The following NTM variants were observed in gnomAD, a reference collection of about 807,000 sequenced individuals.
The protein encoded by NTM is neurotrimin.
NTM carries 13 observed loss-of-function variants against 42.1 expected under a neutral mutation model. The observed-to-expected ratio is 0.31, with a 90% CI of 0.20 to 0.49. The LOEUF is 0.49. NTM is among the 20% of genes least tolerant of loss of function. NTM has a pLI of 0.99. For synonymous variants in NTM, 187 were observed against 179.2 expected, an observed-to-expected ratio of 1.04 and a Z score of -0.35; for missense variants, 373 against 452.8, an observed-to-expected ratio of 0.82 and a Z score of 1.60.
chr11:132,106,837 G>A (rs1044238755), intron 2 of NTM, among the ~76,000 whole-genome samples: 3 of 152,130 alleles, frequency 2.0e-5, no homozygotes, highest in African/African-American at 7.2e-5. Flanking sequence ...AAGCCCAGAG[G>A]TGTACTGCCA....
intron 1 of NTM, among the ~76,000 whole-genome samples, chr11:131,766,583 C>A (rs1355531882): frequency 6.6e-6 from 1 of 150,884 alleles, no homozygotes; most frequent in African/African-American, 2.4e-5. Context: ...AGGCCCCCCC[C>A]TTCTGCTGAG....
chr11:131,410,645 A>T (rs1203311474), intron 1 of NTM, among the ~76,000 whole-genome samples: 1 of 149,638 alleles, frequency 6.7e-6, no homozygotes, highest in African/African-American at 2.5e-5. Flanking sequence ...TTTTGTAATT[A>T]TGTCGCCTTA....
intron 1 of NTM, among the ~76,000 whole-genome samples, chr11:131,554,486 A>G (rs1374881263): frequency 3.3e-5 from 5 of 152,002 alleles, no homozygotes; most frequent in Non-Finnish European, 5.9e-5. Flanking sequence ...ATTGCTGCAA[A>G]TAATCTTTCT....
At chr11:131,839,405 T>C (rs1289125813) in intron 1 of NTM, among the ~76,000 whole-genome samples, 3 of 152,116 alleles carry the variant, frequency 2.0e-5, no homozygotes, top group African/African-American at 7.2e-5. Context: ...AGAGCAAATA[T>C]GTGAAGGAGA....
chr11:132,100,938 T>G (rs549696648), intron 2 of NTM, among the ~76,000 whole-genome samples: 7 of 152,348 alleles, frequency 4.6e-5, no homozygotes, highest in South Asian at 2.1e-4. Context: ...TATCAAAGCA[T>G]TTGCAGTTCA....
At chr11:131,910,736 C>A in intron 1 of NTM, 1 of 692,380 alleles carries the variant, frequency 1.4e-6, no homozygotes. Context: ...CTTGGGGCCG[C>A]CGCGGTCCGC....
intron 1 of NTM, among the ~76,000 whole-genome samples, chr11:131,430,666 C>A (rs189103589): frequency 1.9e-3 from 295 of 152,354 alleles, no homozygotes; most frequent in Admixed American, 4.2e-3. Context: ...TTCAGTGGCA[C>A]TCCATGCTTC....
At chr11:132,279,599 T>A (rs1445758746) in intron 4 of NTM, among the ~76,000 whole-genome samples, 3 of 152,220 alleles carry the variant, frequency 2.0e-5, no homozygotes, top group African/African-American at 7.2e-5. Context: ...CCTCTGATTT[T>A]TTGCACAGGC....
In NTM at chr11:132,043,125, A is replaced by G. The variant is rs1242810908; in HGVS notation, c.168-103157A>G. On this transcript the variant is annotated intron_variant, in intron 2 of 8. Transcript: ENST00000683400. ...ATCCTATTCCATCATTCTAATGGCCAAGGGATGGGTAGAAGACATTGCTTT... is the reference window on the plus strand; with the variant it reads ...ATCCTATTCCATCATTCTAATGGCCGAGGGATGGGTAGAAGACATTGCTTT... 2.0e-5 allele frequency among the ~76,000 whole-genome samples: 3 copies of G among 152,184 alleles called. No homozygotes were observed. The East Asian group carries it at 5.8e-4, about 29-fold the overall frequency.
chr11:131,831,944 T>C (rs1034147377), intron 1 of NTM, among the ~76,000 whole-genome samples: 2 of 147,680 alleles, frequency 1.4e-5, no homozygotes, highest in African/African-American at 4.9e-5. Flanking sequence ...TAATTATATA[T>C]ATAATATATA....
intron 1 of NTM, among the ~76,000 whole-genome samples, chr11:131,448,280 C>T (rs983464228): frequency 6.6e-6 from 1 of 152,250 alleles, no homozygotes; most frequent in Non-Finnish European, 1.5e-5. Context: ...CTCTGCATGG[C>T]ATCCAGCCTC....
At chr11:131,825,764 G>A (rs927114452) in intron 1 of NTM, among the ~76,000 whole-genome samples, 2 of 152,130 alleles carry the variant, frequency 1.3e-5, no homozygotes, top group Admixed American at 1.3e-4. Context: ...TAAAAAGAGG[G>A]TAGGGTACAG....
At position 131,987,896 on chromosome 11, in the gene NTM, C is replaced by T. The variant is rs115788188; in HGVS notation, c.167+76248C>T. ...CAGCCAGTGGGCTAAATGCTGGAAACGCAGAGATGACTCATGCACACTGTC... is the reference window on the plus strand; with the variant it reads ...CAGCCAGTGGGCTAAATGCTGGAAATGCAGAGATGACTCATGCACACTGTC... On this transcript the variant is annotated intron_variant, in intron 2 of 8. Transcript: ENST00000683400. Among the ~76,000 whole-genome samples, 512 of 152,304 alleles carry T rather than the reference C, an allele frequency of 3.4e-3. 1 individual carries two copies. Among genetic ancestry groups the T allele is most frequent in the African/African-American group, 0.011 (476 of 41,570 alleles).
intron 1 of NTM, among the ~76,000 whole-genome samples, chr11:131,851,949 C>A (rs1443673914): frequency 6.6e-6 from 1 of 152,128 alleles, no homozygotes; most frequent in African/African-American, 2.4e-5. Context: ...CATTTAATCC[C>A]CTAAATCAAT....
intron 4 of NTM, among the ~76,000 whole-genome samples, chr11:132,245,824 G>A (rs2091038568): frequency 6.6e-6 from 1 of 152,126 alleles, no homozygotes; most frequent in African/African-American, 2.4e-5. Flanking sequence ...AGGAGTTGCA[G>A]CATTGTGCCA....
At chr11:132,268,656 TCCTCTC>T (rs753332031) in intron 4 of NTM, among the ~76,000 whole-genome samples, 760 of 68,120 alleles carry the variant, frequency 0.011, 3 homozygotes, top group Non-Finnish European at 0.017. Context: ...TGGTGTGGGG[TCCTCTC>T]TCTCTCTCTG....
intron 4 of NTM, among the ~76,000 whole-genome samples, chr11:132,233,953 G>T (rs569586100): frequency 6.6e-6 from 1 of 152,268 alleles, no homozygotes; most frequent in South Asian, 2.1e-4. Flanking sequence ...GTCCTCCCTG[G>T]CTTGTAGATG....
intron 3 of NTM, among the ~76,000 whole-genome samples, chr11:132,173,033 A>G (rs1784164414): frequency 6.6e-6 from 1 of 152,164 alleles, no homozygotes; most frequent in Non-Finnish European, 1.5e-5. Flanking sequence ...CATCACATGG[A>G]TTTTTGGCCA....
At chr11:131,385,241 C>T (rs1168917841) in intron 1 of NTM, 1 of 152,214 alleles carries the variant, frequency 6.6e-6, no homozygotes, top group Non-Finnish European at 1.5e-5. Flanking sequence ...CATTAAGAAA[C>T]TATTCGTGTG....
Sources: allele counts gnomAD v4.1 joint callset (sites outside exome capture counted in the v4.1 genomes callset), GRCh38; gene constraint gnomAD v4.1.1; transcripts MANE v1.5; gene names NCBI Gene and HGNC (gene_info 2026-07-23, HGNC 2026-07-21).